Variants in WDFY4 observed in about 807,000 individuals in gnomAD.
WDFY4 encodes the protein WD repeat- and FYVE domain-containing protein 4.
WDFY4 carries 169 observed loss-of-function variants against 351.9 expected under a neutral mutation model. The ratio of observed to expected loss-of-function variants is 0.48; its 90% confidence interval spans 0.42 to 0.55. The LOEUF (loss-of-function observed/expected upper bound fraction) is 0.55, where lower values mean the gene tolerates loss of function less well. Among genes scored for constraint, WDFY4 ranks in the 20% least tolerant of loss-of-function variants. The pLI is 0.00. For synonymous variants in WDFY4, 1,622 were observed against 1,574.6 expected, an observed-to-expected ratio of 1.03 and a Z score of -0.71; for missense variants, 3,803 against 3,935.6, an observed-to-expected ratio of 0.97 and a Z score of 0.90.
chr10:48,741,230 T>C (rs1056621611), intron 11 of WDFY4, among the ~76,000 whole-genome samples: 2 of 152,108 alleles, frequency 1.3e-5, no homozygotes, highest in Admixed American at 6.6e-5. Context: ...TTTCCTGTAG[T>C]GGAATATAAC....
At chr10:48,881,901 C>T (rs2070265310) in intron 43 of WDFY4, among the ~76,000 whole-genome samples, 1 of 152,224 alleles carries the variant, frequency 6.6e-6, no homozygotes, top group South Asian at 2.1e-4. Flanking sequence ...CAGAGCATAG[C>T]TGGTGGATCC....
In WDFY4 at chr10:48,775,810, A is replaced by G; in HGVS notation, c.2863+4A>G. ...AGAGGCAACCCTGGGTGCTCAGGTGAGGACAGTGGCAAGAACGGGGCAGGT... is the reference window on the plus strand; with the variant it reads ...AGAGGCAACCCTGGGTGCTCAGGTGGGGACAGTGGCAAGAACGGGGCAGGT... On this transcript the variant is annotated splice_donor_region_variant and intron_variant, in intron 15 of 61. Coordinates refer to ENST00000325239, the MANE Select transcript of WDFY4 (RefSeq NM_001394531.1). 1 of 1,551,050 alleles carries G rather than the reference A, an allele frequency of 6.4e-7. No individual in the cohort carries two copies. Among genetic ancestry groups the G allele is most frequent in the Non-Finnish European group, 8.7e-7 (1 of 1,146,358 alleles).
rs368745942 is a variant in WDFY4, at chr10:48,726,513, TGATTCCG to T, written c.781+445_781+451del. Among the ~76,000 whole-genome samples the T allele has an allele frequency of 8.8e-4, 134 of 152,346 alleles. 3 individuals are homozygous for T. The highest frequency in any genetic ancestry group is 3.1e-3 in the African/African-American group (130 of 41,576). ...ATGCACTTTCAAACTTAAAGATGCC[TGATTCCG>T]GCACCCTCATTTATACACTGGGAAC... On this transcript the variant is annotated intron_variant, in intron 6 of 61. Transcript: ENST00000325239.
intron 55 of WDFY4, chr10:48,968,396 A>C (rs1842182468): frequency 6.6e-6 from 1 of 152,466 alleles, no homozygotes; most frequent in African/African-American, 2.4e-5. Flanking sequence ...GGGGAGAGAC[A>C]TCTCACAGTC....
chr10:48,768,854 C>T (rs1352112600), intron 13 of WDFY4, among the ~76,000 whole-genome samples: 2 of 152,022 alleles, frequency 1.3e-5, no homozygotes, highest in Non-Finnish European at 1.5e-5. Flanking sequence ...CGTGACTTGC[C>T]TCTTGAGTAA....
At position 48,821,110 on chromosome 10, in the gene WDFY4, G is replaced by T; in HGVS notation, c.5758G>T (p.Glu1920Ter). The change falls in exon 34 of 62, where the codon GAG (glutamate) becomes TAG (stop). Residue 1920 changes from glutamate (E) to a stop codon, truncating the protein, a stop_gained. Coordinates refer to ENST00000325239, the MANE Select transcript of WDFY4 (RefSeq NM_001394531.1). LOFTEE classifies it high-confidence loss of function. Reference protein sequence around the residue: ...TSQQKRDFQSEVLLSAMELFH... With the variant: ...TSQQKRDFQS ...CCAACAGAAGCGAGACTTCCAGTCC[G>T]AGGTCCTGCTTTCTGCTATGGAACT... The T allele has an allele frequency of 6.4e-7, 1 of 1,551,700 alleles. No homozygotes were observed. Among genetic ancestry groups the T allele is most frequent in the South Asian group, 1.2e-5 (1 of 84,056 alleles).
chr10:48,789,581 C>G (rs1042597179), intron 21 of WDFY4, among the ~76,000 whole-genome samples: 7 of 152,224 alleles, frequency 4.6e-5, no homozygotes, highest in African/African-American at 1.7e-4. Flanking sequence ...GTCCTTGGGT[C>G]CCTCTTGCTC....
intron 1 of WDFY4, among the ~76,000 whole-genome samples, chr10:48,699,609 T>C (rs529857361): frequency 2.3e-4 from 35 of 152,278 alleles, no homozygotes; most frequent in Admixed American, 2.1e-3. Flanking sequence ...CTGAAAATGG[T>C]ATCCCTAATG....
chr10:48,968,621 T>G (rs1307293424), intron 55 of WDFY4: 2 of 178,024 alleles, frequency 1.1e-5, no homozygotes, highest in Non-Finnish European at 2.4e-5. Context: ...TGCACCAGGC[T>G]CTGTGCCAGG....
intron 40 of WDFY4, among the ~76,000 whole-genome samples, chr10:48,872,416 G>C (rs1240298710): frequency 6.6e-6 from 1 of 152,154 alleles, no homozygotes; most frequent in Non-Finnish European, 1.5e-5. Context: ...CATCATCATG[G>C]GGATGATCGA....
chr10:48,819,793 C>T (rs1043792317), intron 32 of WDFY4, among the ~76,000 whole-genome samples: 1 of 152,134 alleles, frequency 6.6e-6, no homozygotes, highest in Admixed American at 6.5e-5. Context: ...GTGGGGTCCC[C>T]ATCACAAGAT....
intron 39 of WDFY4, among the ~76,000 whole-genome samples, chr10:48,854,401 A>G (rs1412775821): frequency 6.6e-6 from 1 of 151,812 alleles, no homozygotes; most frequent in Non-Finnish European, 1.5e-5. Context: ...GAGCCACTGC[A>G]CCCAGCCCTA....
intron 23 of WDFY4, among the ~76,000 whole-genome samples, chr10:48,792,398 C>T (rs529441361): frequency 6.6e-6 from 1 of 152,170 alleles, no homozygotes; most frequent in African/African-American, 2.4e-5. Flanking sequence ...TCTAAAGATC[C>T]TAAGGTTTTT....
chr10:48,895,502 C>A (rs532035983), intron 44 of WDFY4, among the ~76,000 whole-genome samples: 1 of 152,174 alleles, frequency 6.6e-6, no homozygotes, highest in Non-Finnish European at 1.5e-5. Flanking sequence ...GCTTGGGAGG[C>A]CTTCGTTTCT....
intron 5 of WDFY4, among the ~76,000 whole-genome samples, chr10:48,724,796 T>A (rs968820785): frequency 1.3e-5 from 2 of 152,058 alleles, no homozygotes; most frequent in African/African-American, 4.8e-5. Context: ...GGGAAAACAA[T>A]CCAGGAATAA....
intron 31 of WDFY4, among the ~76,000 whole-genome samples, chr10:48,814,826 A>C (rs943236561): frequency 6.6e-6 from 1 of 152,252 alleles, no homozygotes; most frequent in Non-Finnish European, 1.5e-5. Context: ...AGCACTGTGA[A>C]TTTGGTGGAA....
intron 47 of WDFY4, among the ~76,000 whole-genome samples, chr10:48,926,916 C>G (rs1176622231): frequency 6.6e-6 from 1 of 152,212 alleles, no homozygotes; most frequent in East Asian, 1.9e-4. Flanking sequence ...GCAGGCCCAA[C>G]GCAGTGTGAA....
At chr10:48,869,833 C>A (rs554183883) in intron 40 of WDFY4, among the ~76,000 whole-genome samples, 5 of 152,278 alleles carry the variant, frequency 3.3e-5, no homozygotes, top group African/African-American at 9.6e-5. Flanking sequence ...TCTTCTAGGG[C>A]CTCTAGTTTT....
At chr10:48,732,743 A>G (rs2064508415) in intron 9 of WDFY4, among the ~76,000 whole-genome samples, 1 of 152,238 alleles carries the variant, frequency 6.6e-6, no homozygotes, top group Admixed American at 6.5e-5. Flanking sequence ...CCTGGTACAT[A>G]ACAGGGGCTC....
Sources: allele counts gnomAD v4.1 joint callset (sites outside exome capture counted in the v4.1 genomes callset), GRCh38; gene constraint gnomAD v4.1.1; transcripts MANE v1.5; gene names NCBI Gene and HGNC (gene_info 2026-07-23, HGNC 2026-07-21).